Variants in HGSNAT observed in about 807,000 individuals in gnomAD.
HGSNAT encodes transmembrane protein 76.
A neutral mutation model predicts 85.2 loss-of-function variants in HGSNAT; 59 were observed. The observed-to-expected ratio is 0.69, with a 90% confidence interval of 0.56 to 0.86. The LOEUF is 0.86. Ranked by LOEUF, HGSNAT falls within the 40% of genes least tolerant of loss-of-function variation. The pLI, the probability that HGSNAT is intolerant of heterozygous loss-of-function variation, is 0.00. For synonymous variants in HGSNAT, 321 were observed against 304.5 expected (o/e 1.05, Z -0.56); for missense variants, 756 against 777.1 (o/e 0.97, Z 0.32).
intron 5 of HGSNAT, among the ~76,000 whole-genome samples, chr8:43,163,302 G>A (rs756527255): frequency 7.2e-5 from 11 of 152,078 alleles, no homozygotes; most frequent in African/African-American, 1.9e-4. Flanking sequence ...TCCAGCCTGC[G>A]GGCAGAATGC....
At chr8:43,166,755 A>G (rs1238978477) in intron 5 of HGSNAT, among the ~76,000 whole-genome samples, 1 of 152,220 alleles carries the variant, frequency 6.6e-6, no homozygotes, top group East Asian at 1.9e-4. Context: ...AAGTCTTACT[A>G]TTTAAAAAAT....
intron 2 of HGSNAT, among the ~76,000 whole-genome samples, chr8:43,154,602 C>T (rs1360844494): frequency 6.6e-6 from 1 of 152,058 alleles, no homozygotes; most frequent in East Asian, 1.9e-4. Context: ...CATTGTTGGA[C>T]ATTTGGGTTG....
chr8:43,140,677 G>A (rs980022653), intron 1 of HGSNAT, 63 bp downstream of exon 1: 14 of 831,790 alleles, frequency 1.7e-5, no homozygotes, highest in East Asian at 4.9e-5. Flanking sequence ...TCTCCGCGGC[G>A]CCGCCCCTAT....
chr8:43,170,576 T>A lies in HGSNAT; in HGVS notation c.634-9T>A. 6.3e-7 allele frequency: 1 copy of A among 1,591,370 alleles called. No individual in the cohort carries two copies. The highest frequency in any genetic ancestry group is 8.6e-7 in the Non-Finnish European group (1 of 1,166,866). ...ATGAGTTGTCATCTTTCTCCCTTTT[T>A]TTCTGAAGGAGCTGGGATCTCCCAG... On this transcript the variant is annotated splice_polypyrimidine_tract_variant and intron_variant, in intron 6 of 17. Coordinates refer to ENST00000379644, the MANE Select transcript of HGSNAT (RefSeq NM_152419.3).
chr8:43,198,002 GGCC>G, intron 17 of HGSNAT, 50 bp downstream of exon 17: 1 of 1,344,228 alleles, frequency 7.4e-7, no homozygotes, highest in Non-Finnish European at 1.1e-6. Context: ...CCAGGAGGCA[GGCC>G]CAGGGACCTC....
At chr8:43,146,675 GTGT>G (rs1165839989) in intron 1 of HGSNAT, among the ~76,000 whole-genome samples, 1 of 152,150 alleles carries the variant, frequency 6.6e-6, no homozygotes, top group African/African-American at 2.4e-5. Context: ...GATTTGAGTG[GTGT>G]TGACTGAATC....
chr8:43,173,704 G>A lies in HGSNAT; in HGVS notation c.821-9G>A, dbSNP rs576856787. ...GTCCTTTTGCTTATGCTTTGTACTTGTTCTGCAGGGCTGACAGTGGCTGAC... is the reference window on the plus strand; with the variant it reads ...GTCCTTTTGCTTATGCTTTGTACTTATTCTGCAGGGCTGACAGTGGCTGAC... On this transcript the variant is annotated splice_polypyrimidine_tract_variant and intron_variant, in intron 8 of 17. Transcript: ENST00000379644. The A allele has an allele frequency of 6.2e-7, 1 of 1,612,882 alleles. No homozygotes were observed. Among genetic ancestry groups the A allele is most frequent in the East Asian group, 2.2e-5 (1 of 44,834 alleles).
chr8:43,171,998 G>T (rs1322821215), intron 7 of HGSNAT, among the ~76,000 whole-genome samples: 2 of 152,100 alleles, frequency 1.3e-5, no homozygotes, highest in African/African-American at 4.8e-5. Flanking sequence ...TAAATAATTA[G>T]CACAAAACTG....
chr8:43,197,858 T>C lies in HGSNAT; in HGVS notation c.1632T>C (p.Thr544=), dbSNP rs757706222. The stretch of plus-strand genomic sequence containing the variant: ...CTCCCAGGTCCCTTTCGTATGTCAC[T>C]ACGCTCAGTTCTTTTGCCTTCTTCA... The part of the protein sequence containing the change: ...NKNLWSLSYV[T]TLSSFAFFIL... Residue 544 remains threonine (T), a synonymous_variant, in exon 17 of 18, where the codon ACT becomes ACC. Coordinates refer to ENST00000379644, the MANE Select transcript of HGSNAT (RefSeq NM_152419.3). 3.7e-6 allele frequency: 6 copies of C among 1,614,008 alleles called. No homozygotes were observed. In the South Asian group the frequency reaches 6.6e-5, roughly 18 times the overall value.
At chr8:43,195,148 G>A (rs555866903) in intron 14 of HGSNAT, among the ~76,000 whole-genome samples, 45 of 152,068 alleles carry the variant, frequency 3.0e-4, no homozygotes, top group Admixed American at 7.2e-4. Context: ...GTGCAGATCT[G>A]AAGCATACAC....
chr8:43,199,460 A>G lies in HGSNAT; in HGVS notation c.1799A>G (p.Lys600Arg). Residue 600 changes from lysine (K) to arginine (R), a missense_variant, in exon 18 of 18, where the codon AAG becomes AGG. Transcript: ENST00000379644. Reference sequence around the variant, plus strand: ...TACTTCCCCTTTCAGTGGAAGCTGAAGGACAACCAGTCCCACAAGGAGCAC... The same window carrying G: ...TACTTCCCCTTTCAGTGGAAGCTGAGGGACAACCAGTCCCACAAGGAGCAC... ...ENYFPFQWKL[K>R]DNQSHKEHLT... is the part of the protein sequence containing the mutation. The G allele has an allele frequency of 6.2e-7, 1 of 1,612,166 alleles. No individual in the cohort carries two copies. Among genetic ancestry groups the G allele is most frequent in the Middle Eastern group, 1.6e-4 (1 of 6,062 alleles).
Position 43,193,817 on chromosome 8 carries a change from A to G in HGSNAT, c.1438A>G (p.Ile480Val), listed in dbSNP as rs758100400. The change falls in exon 14 of 18, where the codon ATC becomes GTC. Residue 480 changes from isoleucine to valine, a missense_variant. By Grantham distance (29) the Ile-to-Val change is conservative. Coordinates refer to ENST00000379644, the MANE Select transcript of HGSNAT (RefSeq NM_152419.3). Reference sequence around the variant, plus strand: ...GGGCATCCTGGGCACCATCAACTCCATCGTGATGGCCTTTTTAGGAGTTCA... The same window carrying G: ...GGGCATCCTGGGCACCATCAACTCCGTCGTGATGGCCTTTTTAGGAGTTCA... ...PEGILGTINS[I>V]VMAFLGVQAG... is the part of the protein sequence containing the mutation. The G allele has an allele frequency of 1.2e-6, 2 of 1,613,712 alleles. No individual in the cohort carries two copies. The highest frequency in any genetic ancestry group is 1.1e-5 in the South Asian group (1 of 91,074).
Position 43,173,720 on chromosome 8 carries a change from A to G in HGSNAT, c.828A>G (p.Thr276=), listed in dbSNP as rs182393180. 3.0e-4 allele frequency: 484 copies of G among 1,613,194 alleles called. 1 individual carries two copies. In the African/African-American group the frequency reaches 5.5e-3, roughly 18 times the overall value. ...YFKHASWNGL[T]VADLVFPWFV... ...TTTGTACTTGTTCTGCAGGGCTGACAGTGGCTGACCTCGTGTTCCCGTGGT... is the reference window on the plus strand; with the variant it reads ...TTTGTACTTGTTCTGCAGGGCTGACGGTGGCTGACCTCGTGTTCCCGTGGT... Residue 276 remains threonine (T), a synonymous_variant, in exon 9 of 18, where the codon ACA becomes ACG. Coordinates refer to ENST00000379644, the MANE Select transcript of HGSNAT (RefSeq NM_152419.3).
At chr8:43,198,040 T>C in intron 17 of HGSNAT, 88 bp downstream of exon 17, 1 of 896,956 alleles carries the variant, frequency 1.1e-6, no homozygotes, top group East Asian at 2.6e-5. Context: ...TGCTGGGGTC[T>C]TGAGCCACTG....
chr8:43,154,369 G>A (rs1803022251), intron 2 of HGSNAT, among the ~76,000 whole-genome samples: 1 of 135,196 alleles, frequency 7.4e-6, no homozygotes, highest in Non-Finnish European at 1.5e-5. Context: ...AGCAGGTCCT[G>A]GTGTGTGATG....
In HGSNAT at chr8:43,199,399, A is replaced by C; in HGVS notation, c.1738A>C (p.Ile580Leu). 6.3e-7 allele frequency: 1 copy of C among 1,596,516 alleles called. No individual in the cohort carries two copies. The highest frequency in any genetic ancestry group is 8.5e-7 in the Non-Finnish European group (1 of 1,169,932). The change falls in exon 18 of 18, where the codon ATT (isoleucine) becomes CTT (leucine). Residue 580 changes from isoleucine (I) to leucine (L), a missense_variant. By Grantham distance (5) the Ile-to-Leu change is conservative (BLOSUM62 2). Transcript: ENST00000379644. ...TPFFYPGMNS[I>L]LVYVGHEVFE... is the part of the protein sequence containing the mutation. ...TCTCTCTCCTTAAGGAATGAATTCCATTCTGGTATATGTCGGCCACGAGGT... is the reference window on the plus strand; with the variant it reads ...TCTCTCTCCTTAAGGAATGAATTCCCTTCTGGTATATGTCGGCCACGAGGT...
In HGSNAT at chr8:43,199,404, G is replaced by C. The variant is rs773014700; in HGVS notation, c.1743G>C (p.Leu581=). 6.3e-7 allele frequency: 1 copy of C among 1,598,312 alleles called. No individual in the cohort carries two copies. Among genetic ancestry groups the C allele is most frequent in the Non-Finnish European group, 8.5e-7 (1 of 1,171,158 alleles). ...PFFYPGMNSI[L]VYVGHEVFEN... is the part of the protein sequence containing the mutation. The stretch of plus-strand genomic sequence containing the variant: ...CTCCTTAAGGAATGAATTCCATTCT[G>C]GTATATGTCGGCCACGAGGTGTTTG... The change falls in exon 18 of 18, where the codon CTG becomes CTC. Residue 581 remains leucine (L), a synonymous_variant. Transcript: ENST00000379644.
chr8:43,177,305 CT>C, intron 9 of HGSNAT, among the ~76,000 whole-genome samples: 1 of 151,514 alleles, frequency 6.6e-6, no homozygotes, highest in Non-Finnish European at 1.5e-5. Flanking sequence ...AATCCCAGCA[CT>C]TTTGGGAGGC....
chr8:43,140,696 G>C, intron 1 of HGSNAT, 82 bp downstream of exon 1: 4 of 630,250 alleles, frequency 6.3e-6, no homozygotes, highest in Middle Eastern at 6.3e-4. Context: ...ATCTCCGTGC[G>C]CGGCGCCGAG....
Sources: gnomAD v4.1 joint callset for allele counts (sites outside exome capture counted in the v4.1 genomes callset) on GRCh38, gnomAD v4.1.1 for gene constraint, MANE v1.5 for transcripts, NCBI Gene and HGNC (gene_info 2026-07-23, HGNC 2026-07-21) for gene names.